Variants in RP9 observed in about 807,000 individuals in gnomAD.
RP9 encodes RP9 pre-mRNA splicing factor.
Under a neutral mutation model 32.6 loss-of-function variants are expected in RP9, and 23 were observed. The observed-to-expected ratio is 0.71, with a 90% confidence interval of 0.51 to 1.00. The LOEUF is 1.00. Ranked by LOEUF, RP9 falls within the 50% of genes least tolerant of loss-of-function variation. The pLI is 0.00. For synonymous variants in RP9, 94 were observed against 103.6 expected (o/e 0.91, Z 0.56); for missense variants, 245 against 285.3 (o/e 0.86, Z 1.02).
intron 1 of RP9, among the ~76,000 whole-genome samples, chr7:33,104,181 A>G (rs1035415122): frequency 6.6e-6 from 1 of 152,224 alleles, no homozygotes; most frequent in African/African-American, 2.4e-5. Flanking sequence ...CAGAAGGAAA[A>G]AACAAAATTG....
At position 33,109,214 on chromosome 7, in the gene RP9, G is replaced by C; in HGVS notation, c.152+7C>G. 1 of 1,494,408 alleles carries C rather than the reference G, an allele frequency of 6.7e-7. No individual in the cohort carries two copies. Among genetic ancestry groups the C allele is most frequent in the Non-Finnish European group, 8.9e-7 (1 of 1,124,150 alleles). The allele number at this position is 1,494,408 out of a possible 1,614,324, so 92.6% of individuals were successfully genotyped here. ...TGGCCGCGCGCGGACGGCAGCTCGG[G>C]ACTCACAAGGACTCCAGGTGCTTGA... On this transcript the variant is annotated splice_region_variant and intron_variant, in intron 1 of 5. Transcript: ENST00000297157. This position sits in a 1 kb window ranked among gnomAD's most constrained non-coding sequence, Gnocchi z 4.9.
chr7:33,104,256 A>G (rs554948023), intron 1 of RP9, among the ~76,000 whole-genome samples: 151 of 152,254 alleles, frequency 9.9e-4, no homozygotes, highest in South Asian at 9.6e-3. Context: ...TCAAGAAAAA[A>G]AGAGTCAACT....
chr7:33,099,469 A>G (rs1342020827), intron 2 of RP9, 33 bp from the exon 3 acceptor site: 2 of 1,613,582 alleles, frequency 1.2e-6, no homozygotes, highest in Non-Finnish European at 1.7e-6. Context: ...ACAGCATGGC[A>G]AGAGCGCTGG....
chr7:33,107,927 G>A (rs1297599758), intron 1 of RP9, among the ~76,000 whole-genome samples: 1 of 152,192 alleles, frequency 6.6e-6, no homozygotes, highest in Non-Finnish European at 1.5e-5. Context: ...AAATGAGGTA[G>A]AGAAATAGCT....
Position 33,099,300 on chromosome 7 carries a change from C to G in RP9, c.313+7G>C. On this transcript the variant is annotated splice_region_variant and intron_variant, in intron 3 of 5. Transcript: ENST00000297157. ...TGCATGGATTAGGGAAACTCTCCCA[C>G]ACTCACACTGCATAACTTTGACTTC... is the stretch of plus-strand genomic sequence containing the variant. 1 of 1,612,770 alleles carries G rather than the reference C, an allele frequency of 6.2e-7. No homozygotes were observed. Among genetic ancestry groups the G allele is most frequent in the Non-Finnish European group, 8.5e-7 (1 of 1,179,972 alleles).
chr7:33,100,535 A>C lies in RP9; in HGVS notation c.179T>G (p.Ile60Ser). 6.2e-7 allele frequency: 1 copy of C among 1,613,536 alleles called. No homozygotes were observed. Among genetic ancestry groups the C allele is most frequent in the Non-Finnish European group, 8.5e-7 (1 of 1,179,406 alleles). The change falls in exon 2 of 6, where the codon ATC (isoleucine) becomes AGC (serine). Residue 60 changes from isoleucine (I) to serine (S), a missense_variant. Coordinates refer to ENST00000297157, the MANE Select transcript of RP9 (RefSeq NM_203288.2). ...GAGTACAAACTTCACACTAACCTTG[A>C]TAAGCCCAGGAGGAGGTTTTTCGTA... ...SFYEKPPPGL[I>S]KEDETKPEDC...
intron 2 of RP9, 82 bp from the exon 3 acceptor site, chr7:33,099,518 CT>C: frequency 6.4e-7 from 1 of 1,551,814 alleles, no homozygotes; most frequent in Non-Finnish European, 8.9e-7. Flanking sequence ...CCTTGCCTGG[CT>C]TTTTCCTGGG....
rs770742932 is a variant in RP9 at position 33,099,447 on chromosome 7, G to T, written c.184-11C>A. On this transcript the variant is annotated splice_polypyrimidine_tract_variant and intron_variant, in intron 2 of 5. Coordinates refer to ENST00000297157, the MANE Select transcript of RP9 (RefSeq NM_203288.2). ...CTTAGTCTCATCTTCCTAAAAAAGGGAACAGGTATAAACAGCATGGCAAGA... is the reference window on the plus strand; with the variant it reads ...CTTAGTCTCATCTTCCTAAAAAAGGTAACAGGTATAAACAGCATGGCAAGA... The T allele has an allele frequency of 8.7e-6, 14 of 1,613,460 alleles. No homozygotes were observed. The highest frequency in any genetic ancestry group is 3.3e-4 in the Middle Eastern group (2 of 6,062).
In RP9 at chr7:33,109,106, C is replaced by A. The variant is rs1026302415; in HGVS notation, c.152+115G>T. 35 of 1,380,886 alleles carry A rather than the reference C, an allele frequency of 2.5e-5. No homozygotes were observed. Among genetic ancestry groups the A allele is most frequent in the Middle Eastern group, 2.7e-4 (1 of 3,770 alleles). The allele number at this position is 1,380,886 out of a possible 1,614,324, so 85.5% of individuals were successfully genotyped here. On this transcript the variant is annotated intron_variant, in intron 1 of 5. Coordinates refer to ENST00000297157, the MANE Select transcript of RP9 (RefSeq NM_203288.2). The surrounding 1 kb of genome is among the most constrained non-coding windows in gnomAD (Gnocchi z 4.9). ...CCAGGCTCCTGCCGGGCCCAGCCCC[C>A]CTGCCTGCTCGCGGGGGCTCGGAGG...
At chr7:33,095,483 A>C (rs1788317751) in intron 5 of RP9, 51 bp from the exon 6 acceptor site, 1 of 1,609,038 alleles carries the variant, frequency 6.2e-7, no homozygotes, top group African/African-American at 1.3e-5. Context: ...TTTAACTTAC[A>C]ACAGTTGCTT....
chr7:33,103,430 A>G (rs947557145), intron 1 of RP9, among the ~76,000 whole-genome samples: 1 of 152,224 alleles, frequency 6.6e-6, no homozygotes, highest in African/African-American at 2.4e-5. Context: ...GCGCCCTATC[A>G]TGAAGCTATC....
chr7:33,097,455 A>G, intron 3 of RP9, 93 bp from the exon 4 acceptor site: 1 of 890,996 alleles, frequency 1.1e-6, no homozygotes. Flanking sequence ...TTTCTTCATT[A>G]AACTCTAATT....
At chr7:33,108,095 C>T (rs79626213) in intron 1 of RP9, among the ~76,000 whole-genome samples, 8 of 152,210 alleles carry the variant, frequency 5.3e-5, no homozygotes, top group African/African-American at 1.9e-4. Flanking sequence ...TTACAGTTCA[C>T]TAAGTACAGA....
At chr7:33,095,810 CCTCT>C (rs1445019374) in intron 5 of RP9, among the ~76,000 whole-genome samples, 2 of 152,000 alleles carry the variant, frequency 1.3e-5, no homozygotes, top group Admixed American at 6.6e-5. Flanking sequence ...ATTTTTTCCA[CCTCT>C]CTCTAATCAT....
At chr7:33,106,359 A>C (rs1484363653) in intron 1 of RP9, among the ~76,000 whole-genome samples, 4 of 151,960 alleles carry the variant, frequency 2.6e-5, no homozygotes, top group African/African-American at 9.7e-5. Context: ...TCTTTCTTGC[A>C]GAGATAAGGT....
chr7:33,096,412 T>A, intron 5 of RP9, 81 bp downstream of exon 5: 6 of 966,678 alleles, frequency 6.2e-6, no homozygotes, highest in Non-Finnish European at 1.0e-5. Flanking sequence ...GCACCATTCC[T>A]CTAACACTAG....
At chr7:33,099,715 C>G (rs1180955404) in intron 2 of RP9, among the ~76,000 whole-genome samples, 1 of 151,594 alleles carries the variant, frequency 6.6e-6, no homozygotes, top group African/African-American at 2.4e-5. Flanking sequence ...CTGGGGAGCT[C>G]CAAATAAGAT....
rs555168635 is a variant in RP9, at chr7:33,100,134, C to T, written c.183+397G>A. The T allele has an allele frequency of 6.5e-5, 19 of 290,868 alleles. No individual in the cohort carries two copies. In the South Asian group the frequency reaches 6.9e-4, roughly 11 times the overall value. The allele number at this position is 290,868 out of a possible 1,614,324, so 18.0% of individuals were successfully genotyped here. On this transcript the variant is annotated intron_variant, in intron 2 of 5. Coordinates refer to ENST00000297157, the MANE Select transcript of RP9 (RefSeq NM_203288.2). Reference sequence around the variant, plus strand: ...GGGATGCCTGTACCAGGGAGCGGGACTGGATAGCTGTCAGATCTCCTCAGA... The same window carrying T: ...GGGATGCCTGTACCAGGGAGCGGGATTGGATAGCTGTCAGATCTCCTCAGA...
chr7:33,095,943 C>T (rs79906183), intron 5 of RP9, among the ~76,000 whole-genome samples: 8,228 of 152,134 alleles, frequency 0.054, 271 homozygotes, highest in East Asian at 0.15. Flanking sequence ...GTAGATCCTC[C>T]CACCTCATCC....
Sources: gnomAD v4.1 joint callset for allele counts (sites outside exome capture counted in the v4.1 genomes callset) on GRCh38, gnomAD v4.1.1 for gene constraint, Gnocchi (gnomAD v3.1) non-coding constraint, MANE v1.5 for transcripts, NCBI Gene and HGNC (gene_info 2026-07-23, HGNC 2026-07-21) for gene names.